Variants in SLC33A1 observed in about 807,000 individuals in gnomAD.
SLC33A1 encodes solute carrier family 33 member 1, also known as acetyl-coenzyme A transporter 1.
In SLC33A1, 20 loss-of-function variants were observed where a neutral mutation model predicts 50.0. The observed-to-expected ratio is 0.40, with a 90% CI of 0.28 to 0.58. The LOEUF is 0.58. Ranked by LOEUF, SLC33A1 falls within the 20% of genes least tolerant of loss-of-function variation. SLC33A1 has a pLI of 0.44. For missense variants in SLC33A1, 476 were observed against 657.0 expected (o/e 0.72, Z 3.01); for synonymous variants, 265 against 251.8 (o/e 1.05, Z -0.50).
At chr3:155,832,723 C>CAAA (rs11303771) in intron 4 of SLC33A1, among the ~76,000 whole-genome samples, 110 of 27,864 alleles carry the variant, frequency 3.9e-3, no homozygotes, top group Non-Finnish European at 4.8e-3. Flanking sequence ...GACTCTGTCT[C>CAAA]AAAAAAAAAA....
intron 5 of SLC33A1, 141 bp from the exon 6 acceptor site, chr3:155,828,518 T>C (rs1432609243): frequency 4.6e-6 from 3 of 647,064 alleles, no homozygotes; most frequent in Non-Finnish European, 8.3e-6. Flanking sequence ...AATGACAAAA[T>C]ATGTTAATGT....
rs1752553746 is a variant in SLC33A1 at position 155,833,944 on chromosome 3, G to A, written c.1061C>T (p.Pro354Leu). 2 of 1,613,452 alleles carry A rather than the reference G, an allele frequency of 1.2e-6. No individual in the cohort carries two copies. The highest frequency in any genetic ancestry group is 1.3e-5 in the African/African-American group (1 of 74,912). Residue 354 changes from proline to leucine, a missense_variant, in exon 3 of 6, where the codon CCT becomes CTT. By Grantham distance (98) the Pro-to-Leu change is moderately conservative. Coordinates refer to ENST00000643144, the MANE Select transcript of SLC33A1 (RefSeq NM_004733.4). ...AATCAGAGGCAGTATTATCTGCAAA[G>A]GAACCATTGGAACTGCCAATAAGGC... is the stretch of plus-strand genomic sequence containing the variant. ...HLALLAVPMV[P>L]LQIILPLIIS...
intron 2 of SLC33A1, among the ~76,000 whole-genome samples, chr3:155,838,451 C>T (rs762521138): frequency 2.6e-5 from 4 of 151,044 alleles, no homozygotes; most frequent in African/African-American, 4.9e-5. Context: ...GAGGCAAAGG[C>T]GGGCAGATTG....
chr3:155,836,067 G>A (rs1229018687), intron 2 of SLC33A1, among the ~76,000 whole-genome samples: 5 of 150,950 alleles, frequency 3.3e-5, no homozygotes, highest in East Asian at 2.0e-4. Context: ...GGTGGATCAC[G>A]AGGTCAGGAG....
chr3:155,849,451 A>G (rs1753310122), intron 1 of SLC33A1, among the ~76,000 whole-genome samples: 1 of 152,178 alleles, frequency 6.6e-6, no homozygotes, highest in Non-Finnish European at 1.5e-5. Context: ...TAAAAAGGAG[A>G]ATGAAACTAT....
chr3:155,837,673 C>T (rs1190243556), intron 2 of SLC33A1, among the ~76,000 whole-genome samples: 2 of 151,774 alleles, frequency 1.3e-5, no homozygotes, highest in African/African-American at 4.9e-5. Flanking sequence ...GAATACTATA[C>T]AGTAATGAGA....
At position 155,840,967 on chromosome 3, in the gene SLC33A1, G is replaced by A. The variant is rs1752913617; in HGVS notation, c.963+1465C>T. On this transcript the variant is annotated intron_variant, in intron 2 of 5. Transcript: ENST00000643144. Reference sequence around the variant, plus strand: ...GCCACTGCTCCCAGCCTGGGTGACAGAGCGAGACTTTGTCTCAAAAAAAAT... The same window carrying A: ...GCCACTGCTCCCAGCCTGGGTGACAAAGCGAGACTTTGTCTCAAAAAAAAT... Among the ~76,000 whole-genome samples, 4 of 152,046 alleles carry A rather than the reference G, an allele frequency of 2.6e-5. No individual in the cohort carries two copies. The South Asian group carries it at 8.3e-4, about 32-fold the overall frequency.
chr3:155,842,192 C>T (rs954729699), intron 2 of SLC33A1, among the ~76,000 whole-genome samples: 14 of 152,162 alleles, frequency 9.2e-5, no homozygotes, highest in African/African-American at 3.4e-4. Context: ...TTCACATTTA[C>T]TAACAGTTCT....
At chr3:155,839,786 A>C (rs532934692) in intron 2 of SLC33A1, among the ~76,000 whole-genome samples, 1 of 152,046 alleles carries the variant, frequency 6.6e-6, no homozygotes, top group African/African-American at 2.4e-5. Flanking sequence ...CGTCTCTTCT[A>C]AGAATACAAA....
intron 5 of SLC33A1, 145 bp from the exon 6 acceptor site, chr3:155,828,522 T>G (rs1176703424): frequency 1.6e-6 from 1 of 641,386 alleles, no homozygotes; most frequent in African/African-American, 1.8e-5. Context: ...ACAAAATATG[T>G]TAATGTATCT....
intron 1 of SLC33A1, among the ~76,000 whole-genome samples, chr3:155,852,296 C>G (rs927155906): frequency 1.3e-5 from 2 of 151,676 alleles, no homozygotes. Flanking sequence ...CCCCCCCGAC[C>G]CCCAACTATC....
intron 5 of SLC33A1, among the ~76,000 whole-genome samples, chr3:155,828,898 T>TTTA (rs1171501103): frequency 1.3e-5 from 1 of 78,996 alleles, no homozygotes; most frequent in Non-Finnish European, 2.1e-5. Flanking sequence ...CCGAATATGT[T>TTTA]TTTTTTTTTT....
chr3:155,848,308 T>C (rs1198079566), intron 1 of SLC33A1, among the ~76,000 whole-genome samples: 1 of 152,208 alleles, frequency 6.6e-6, no homozygotes, highest in East Asian at 1.9e-4. Context: ...GCTAAAGACA[T>C]GTTTTTATAT....
In SLC33A1 at chr3:155,823,230, C is replaced by G. The variant is rs1450057440; in HGVS notation, c.*4980G>C. 6.6e-6 allele frequency: 1 copy of G among 152,196 alleles called. No homozygotes were observed. Among genetic ancestry groups the G allele is most frequent in the Non-Finnish European group, 1.5e-5 (1 of 68,054 alleles). 9.4% of individuals were successfully genotyped at this position (152,196 alleles called of 1,614,324 possible). On this transcript the variant is annotated 3_prime_UTR_variant, in exon 6 of 6. Coordinates refer to ENST00000643144, the MANE Select transcript of SLC33A1 (RefSeq NM_004733.4). The stretch of plus-strand genomic sequence containing the variant: ...CAATAAGGAAAATAAGCTATCCATG[C>G]TGATTCTACCTTGCTAGCAAATTGG...
At chr3:155,851,138 G>A (rs1753383111) in intron 1 of SLC33A1, among the ~76,000 whole-genome samples, 1 of 151,814 alleles carries the variant, frequency 6.6e-6, no homozygotes, top group South Asian at 2.1e-4. Flanking sequence ...CTACTCAGGA[G>A]GCTGAGGCAG....
chr3:155,853,151 C>T lies in SLC33A1; in HGVS notation c.775+72G>A, dbSNP rs910551272. 31 of 1,344,470 alleles carry T rather than the reference C, an allele frequency of 2.3e-5. No individual in the cohort carries two copies. In the African/African-American group the frequency reaches 3.2e-4, roughly 14 times the overall value. 83.3% of individuals were successfully genotyped at this position (1,344,470 alleles called of 1,614,324 possible). Reference sequence around the variant, plus strand: ...CAATGATTTCCAGTAAATTAATGAGCTTCCCTCCAACGTCACACACTCTTT... The same window carrying T: ...CAATGATTTCCAGTAAATTAATGAGTTTCCCTCCAACGTCACACACTCTTT... On this transcript the variant is annotated intron_variant, in intron 1 of 5. Coordinates refer to ENST00000643144, the MANE Select transcript of SLC33A1 (RefSeq NM_004733.4).
chr3:155,852,506 C>G (rs376925788), intron 1 of SLC33A1, among the ~76,000 whole-genome samples: 1 of 152,194 alleles, frequency 6.6e-6, no homozygotes, highest in East Asian at 1.9e-4. Flanking sequence ...AACCCAGTTC[C>G]ACAATTTAGG....
chr3:155,833,494 C>CTATATAT lies in SLC33A1; in HGVS notation c.1239_1240insATATATA (p.Val414IlefsTer29), dbSNP rs1299352697. 6.3e-7 allele frequency: 1 copy of CTATATAT among 1,580,442 alleles called. No individual in the cohort carries two copies. Among genetic ancestry groups the CTATATAT allele is most frequent in the Non-Finnish European group, 8.7e-7 (1 of 1,149,604 alleles). On this transcript the variant is annotated frameshift_variant, in exon 4 of 6. Transcript: ENST00000643144. LOFTEE classifies it high-confidence loss of function. The stretch of plus-strand genomic sequence containing the variant: ...TGATGTAAAGCATAACTCAGCAGGA[C>CTATATAT]TACGATATAGTAATATATAGGGAAT...
chr3:155,847,020 C>T lies in SLC33A1; in HGVS notation c.776-4401G>A, dbSNP rs544507185. On this transcript the variant is annotated intron_variant, in intron 1 of 5. Coordinates refer to ENST00000643144, the MANE Select transcript of SLC33A1 (RefSeq NM_004733.4). ...GTCAGGAGTTCAAGACCAGCCTTGC[C>T]AACATGGTGAAACCCTGTCTCTACT... Among the ~76,000 whole-genome samples the T allele has an allele frequency of 3.3e-5, 5 of 151,730 alleles. No homozygotes were observed. In the South Asian group the frequency reaches 1.0e-3, roughly 32 times the overall value.
Sources: allele counts gnomAD v4.1 joint callset (sites outside exome capture counted in the v4.1 genomes callset), GRCh38; gene constraint gnomAD v4.1.1; transcripts MANE v1.5; gene names NCBI Gene and HGNC (gene_info 2026-07-23, HGNC 2026-07-21).